SPOCK1: variants seen among roughly 807,000 people sequenced by gnomAD.
SPOCK1 encodes the protein testican-1.
A neutral mutation model predicts 55.3 loss-of-function variants in SPOCK1; 23 were observed. The observed-to-expected ratio is 0.42, with a 90% confidence interval of 0.30 to 0.59. The LOEUF (loss-of-function observed/expected upper bound fraction) is 0.59, where lower values mean the gene tolerates loss of function less well. Among genes scored for constraint, SPOCK1 ranks in the 20% least tolerant of loss-of-function variants. SPOCK1 has a pLI of 0.22. For synonymous variants in SPOCK1, 226 were observed against 221.0 expected, an observed-to-expected ratio of 1.02 and a Z score of -0.20; for missense variants, 499 against 552.5, an observed-to-expected ratio of 0.90 and a Z score of 0.97.
chr5:137,494,849 T>C (rs1754266107), intron 2 of SPOCK1, among the ~76,000 whole-genome samples: 2 of 152,234 alleles, frequency 1.3e-5, no homozygotes, highest in Admixed American at 6.5e-5. Flanking sequence ...CTTATGGTAA[T>C]GGTTATGGAA....
intron 2 of SPOCK1, among the ~76,000 whole-genome samples, chr5:137,275,730 G>T (rs866735725): frequency 1.3e-5 from 2 of 152,126 alleles, no homozygotes; most frequent in Admixed American, 6.5e-5. Flanking sequence ...CACTTTCAGG[G>T]TCTGCTGCTC....
intron 6 of SPOCK1, among the ~76,000 whole-genome samples, chr5:137,064,102 C>G (rs1752450046): frequency 6.6e-6 from 1 of 152,074 alleles, no homozygotes; most frequent in Non-Finnish European, 1.5e-5. Flanking sequence ...TCGGTAGATG[C>G]AGTGAGAATG....
At chr5:137,207,061 A>C (rs191835038) in intron 3 of SPOCK1, among the ~76,000 whole-genome samples, 2 of 152,370 alleles carry the variant, frequency 1.3e-5, no homozygotes, top group Admixed American at 6.5e-5. Context: ...ATATACCTAT[A>C]TATAAAAGTG....
At chr5:137,240,005 T>A (rs1756253206) in intron 3 of SPOCK1, among the ~76,000 whole-genome samples, 1 of 152,198 alleles carries the variant, frequency 6.6e-6, no homozygotes, top group Non-Finnish European at 1.5e-5. Context: ...CTTCCTTATA[T>A]GCAAACTTCC....
At chr5:137,150,673 G>T (rs189728384) in intron 3 of SPOCK1, among the ~76,000 whole-genome samples, 174 of 152,210 alleles carry the variant, frequency 1.1e-3, no homozygotes, top group African/African-American at 4.1e-3. Context: ...GGCAGGCAGG[G>T]CTCAGCAAGG....
intron 4 of SPOCK1, among the ~76,000 whole-genome samples, chr5:137,135,377 C>T (rs1166771882): frequency 6.6e-6 from 1 of 152,204 alleles, no homozygotes; most frequent in Non-Finnish European, 1.5e-5. Flanking sequence ...GCAGAAAATC[C>T]CTGAGGGCAG....
chr5:137,314,915 G>A (rs1320377753), intron 2 of SPOCK1, among the ~76,000 whole-genome samples: 1 of 152,098 alleles, frequency 6.6e-6, no homozygotes, highest in African/African-American at 2.4e-5. Flanking sequence ...AAAACTGTCT[G>A]TCCACCTACA....
intron 3 of SPOCK1, among the ~76,000 whole-genome samples, chr5:137,258,703 C>T (rs1435945667): frequency 1.3e-5 from 2 of 152,158 alleles, no homozygotes; most frequent in African/African-American, 2.4e-5. Context: ...ACTAACACCA[C>T]ATTTTATGAG....
intron 3 of SPOCK1, among the ~76,000 whole-genome samples, chr5:137,161,336 A>C (rs1394175610): frequency 6.6e-6 from 1 of 151,822 alleles, no homozygotes; most frequent in Non-Finnish European, 1.5e-5. Context: ...GGAACATGTC[A>C]GTTGAAATGC....
intron 2 of SPOCK1, among the ~76,000 whole-genome samples, chr5:137,295,615 TC>T (rs1757463563): frequency 6.6e-6 from 1 of 152,110 alleles, no homozygotes; most frequent in African/African-American, 2.4e-5. Context: ...CGTGACTTTT[TC>T]CCCCAGTACA....
chr5:137,445,196 A>G (rs891609853), intron 2 of SPOCK1, among the ~76,000 whole-genome samples: 2 of 152,088 alleles, frequency 1.3e-5, no homozygotes, highest in African/African-American at 2.4e-5. Context: ...CTTCCTGGGT[A>G]TGCTATTTTT....
chr5:137,276,626 A>G (rs1757072810), intron 2 of SPOCK1, among the ~76,000 whole-genome samples: 1 of 152,188 alleles, frequency 6.6e-6, no homozygotes, highest in African/African-American at 2.4e-5. Context: ...AGTATCTTGG[A>G]CTGCAGCTCC....
intron 6 of SPOCK1, among the ~76,000 whole-genome samples, chr5:137,037,075 A>G (rs1751899506): frequency 1.3e-5 from 2 of 152,020 alleles, no homozygotes; most frequent in Admixed American, 1.3e-4. Context: ...CTATGAGACA[A>G]TGAAAAATAA....
chr5:137,066,963 T>TACACACACACACACACACACACAC (rs147918575), intron 6 of SPOCK1, among the ~76,000 whole-genome samples: 116 of 126,250 alleles, frequency 9.2e-4, no homozygotes, highest in African/African-American at 3.2e-3. Context: ...AACATAAGCA[T>TACACACACACACACACACACACAC]ACACACACAC....
At chr5:136,979,833 T>C (rs1485123440) in intron 9 of SPOCK1, among the ~76,000 whole-genome samples, 1 of 152,236 alleles carries the variant, frequency 6.6e-6, no homozygotes, top group African/African-American at 2.4e-5. Context: ...TACCTTTTAA[T>C]ATGAAACTGA....
intron 2 of SPOCK1, among the ~76,000 whole-genome samples, chr5:137,432,930 A>G (rs1471396649): frequency 1.3e-5 from 2 of 152,114 alleles, no homozygotes; most frequent in Non-Finnish European, 2.9e-5. Context: ...CCCATTGCAT[A>G]TTTGTCCTAG....
chr5:137,014,820 G>A (rs1220871468), intron 6 of SPOCK1, among the ~76,000 whole-genome samples: 1 of 152,160 alleles, frequency 6.6e-6, no homozygotes, highest in Non-Finnish European at 1.5e-5. Flanking sequence ...TTAATCTTGT[G>A]TAATGATGTG....
At chr5:137,082,448 A>G (rs1752890961) in intron 5 of SPOCK1, among the ~76,000 whole-genome samples, 1 of 152,186 alleles carries the variant, frequency 6.6e-6, no homozygotes, top group Non-Finnish European at 1.5e-5. Flanking sequence ...ATCCACAGAG[A>G]AGCAGGTGGC....
intron 2 of SPOCK1, among the ~76,000 whole-genome samples, chr5:137,399,363 TTTGTTGTTGTTGTTG>T (rs140515377): frequency 9.9e-5 from 15 of 150,826 alleles, no homozygotes; most frequent in Non-Finnish European, 2.1e-4. Context: ...CTCTTTATTG[TTTGTTGTTGTTGTTG>T]TTGTTGTTGT....
Sources: gnomAD v4.1 joint callset for allele counts (sites outside exome capture counted in the v4.1 genomes callset) on GRCh38, gnomAD v4.1.1 for gene constraint, MANE v1.5 for transcripts, NCBI Gene and HGNC (gene_info 2026-07-23, HGNC 2026-07-21) for gene names.